ATP12A: variants seen among roughly 807,000 people sequenced by gnomAD.
ATP12A encodes ATPase H+/K+ transporting non-gastric alpha2 subunit, also known as potassium-transporting ATPase alpha chain 2.
Under a neutral mutation model 111.2 loss-of-function variants are expected in ATP12A, and 81 were observed. That is an observed-to-expected ratio of 0.73 (90% CI 0.61 to 0.88). The LOEUF is 0.88. ATP12A is among the 40% of genes least tolerant of loss of function. The pLI is 0.00. For synonymous variants in ATP12A, 498 were observed against 499.8 expected (o/e 1.00, Z 0.05); for missense variants, 1,196 against 1,313.1 (o/e 0.91, Z 1.38).
At position 24,711,714 on chromosome 13, in the gene ATP12A, T is replaced by G. The variant is rs960551541; in HGVS notation, c.*192T>G. On this transcript the variant is annotated 3_prime_UTR_variant, in exon 23 of 23. Coordinates refer to ENST00000381946, the MANE Select transcript of ATP12A (RefSeq NM_001676.7). The stretch of plus-strand genomic sequence containing the variant: ...TTTAAAACTGAAATTCAACTCTTTA[T>G]ATAGGATTTTCTTTTCTATCTCCAT... 7.3e-6 allele frequency: 5 copies of G among 688,782 alleles called. No homozygotes were observed. The South Asian group carries it at 9.7e-5, about 13-fold the overall frequency. The allele number at this position is 688,782 out of a possible 1,614,324, so 42.7% of individuals were successfully genotyped here.
chr13:24,695,587 T>C (rs1296680695), intron 11 of ATP12A, among the ~76,000 whole-genome samples: 1 of 148,208 alleles, frequency 6.7e-6, no homozygotes, highest in Admixed American at 6.8e-5. Context: ...GAATTTAGGG[T>C]TAGGGAAGAA....
Position 24,709,861 on chromosome 13 carries a change from C to G in ATP12A, c.2763+33C>G, listed in dbSNP as rs200249194. On this transcript the variant is annotated intron_variant, in intron 19 of 22. Coordinates refer to ENST00000381946, the MANE Select transcript of ATP12A (RefSeq NM_001676.7). ...GCGGGAGCCCTGCTGCAGAGTCCAC[C>G]TGATTCTCTCCATGCTCATTGCCCT... 3 of 1,611,016 alleles carry G rather than the reference C, an allele frequency of 1.9e-6. No individual in the cohort carries two copies. In the Middle Eastern group the frequency reaches 5.2e-4, roughly 280 times the overall value.
At chr13:24,699,364 G>A (rs1056278132) in intron 12 of ATP12A, among the ~76,000 whole-genome samples, 1 of 151,756 alleles carries the variant, frequency 6.6e-6, no homozygotes, top group Admixed American at 6.6e-5. Flanking sequence ...TCGCAGGGCT[G>A]GGGAAGACTT....
At chr13:24,681,873 CTGTGTGGTGTGTGTGTGTGGTGTA>C (rs1874449864) in intron 2 of ATP12A, among the ~76,000 whole-genome samples, 153 bp downstream of exon 2, 1 of 140,706 alleles carries the variant, frequency 7.1e-6, no homozygotes, top group Non-Finnish European at 1.5e-5. Context: ...CGTGGTGTGT[CTGTGTGGTGTGTGTGTGTGGTGTA>C]TGTGTGGTGT....
intron 3 of ATP12A, among the ~76,000 whole-genome samples, chr13:24,687,104 C>T (rs1347666208): frequency 6.6e-6 from 1 of 151,998 alleles, no homozygotes; most frequent in Non-Finnish European, 1.5e-5. Context: ...TGAATCTAGC[C>T]ATTCAACAGA....
chr13:24,695,266 G>A (rs958995086), intron 11 of ATP12A, among the ~76,000 whole-genome samples: 6 of 152,214 alleles, frequency 3.9e-5, no homozygotes, highest in African/African-American at 9.6e-5. Flanking sequence ...TGACAGCCCC[G>A]TCGTTTTCTG....
Position 24,701,928 on chromosome 13 carries a change from G to C in ATP12A, c.1882-7G>C. On this transcript the variant is annotated splice_polypyrimidine_tract_variant and splice_region_variant and intron_variant, in intron 13 of 22. Coordinates refer to ENST00000381946, the MANE Select transcript of ATP12A (RefSeq NM_001676.7). ...ACCCGTGGGCCTTCTCGTTGTCTTT[G>C]CTCTAGGTTATTATGGTTACTGGTG... is the stretch of plus-strand genomic sequence containing the variant. 1 of 1,614,190 alleles carries C rather than the reference G, an allele frequency of 6.2e-7. No homozygotes were observed. Among genetic ancestry groups the C allele is most frequent in the Non-Finnish European group, 8.5e-7 (1 of 1,180,044 alleles).
chr13:24,691,342 A>G (rs1874896318), intron 8 of ATP12A, 92 bp downstream of exon 8: 2 of 1,441,964 alleles, frequency 1.4e-6, no homozygotes, highest in East Asian at 2.4e-5. Context: ...ATCTCCCCCA[A>G]GTCCAGAGCA....
chr13:24,706,574 A>C, intron 15 of ATP12A, 111 bp downstream of exon 15: 1 of 1,436,848 alleles, frequency 7.0e-7, no homozygotes, highest in Admixed American at 2.5e-5. Context: ...TTCAAGAGAG[A>C]GTTCTTGGCT....
chr13:24,700,952 TC>T (rs1381539710), intron 13 of ATP12A, 30 bp downstream of exon 13: 1 of 1,607,604 alleles, frequency 6.2e-7, no homozygotes, highest in Non-Finnish European at 8.5e-7. Flanking sequence ...CTCAAGAAGT[TC>T]TTTCTTTATG....
rs1207756859 is a variant in ATP12A, at chr13:24,685,436, G to A, written c.228+63G>A. 1.9e-6 allele frequency: 3 copies of A among 1,548,422 alleles called. No homozygotes were observed. The East Asian group carries it at 6.7e-5, about 35-fold the overall frequency. On this transcript the variant is annotated intron_variant, in intron 3 of 22. Transcript: ENST00000381946. The surrounding 1 kb of genome is among the most constrained non-coding windows in gnomAD (Gnocchi z 5.5). ...CCCAACTCTACAGAGGGAAGGCTGT[G>A]TGTGGCGGGGGGCTGTGTGGAAGAG...
rs1874839304 is a variant in ATP12A, at chr13:24,690,484, G to C, written c.681+12G>C. 2 of 1,613,616 alleles carry C rather than the reference G, an allele frequency of 1.2e-6. No homozygotes were observed. Among genetic ancestry groups the C allele is most frequent in the South Asian group, 2.2e-5 (2 of 91,010 alleles). ...CTCAGGGGTGTCGGGTAAGCGGCAAGGGGTATCCACCCCAAGGACCATGTT... is the reference window on the plus strand; with the variant it reads ...CTCAGGGGTGTCGGGTAAGCGGCAACGGGTATCCACCCCAAGGACCATGTT... On this transcript the variant is annotated intron_variant, in intron 6 of 22. Transcript: ENST00000381946.
chr13:24,681,894 T>G (rs1874451549), intron 2 of ATP12A, among the ~76,000 whole-genome samples, 174 bp downstream of exon 2: 1 of 141,432 alleles, frequency 7.1e-6, no homozygotes, highest in East Asian at 2.1e-4. Context: ...GTGTGTGTGG[T>G]GTATGTGTGG....
At chr13:24,706,289 C>T in intron 14 of ATP12A, 24 bp from the exon 15 acceptor site, 1 of 1,611,326 alleles carries the variant, frequency 6.2e-7, no homozygotes, top group Non-Finnish European at 8.5e-7. Flanking sequence ...TTGGGCCTCA[C>T]CCAGTTTCTT....
In ATP12A at chr13:24,690,963, G is replaced by A. The variant is rs114726296; in HGVS notation, c.800-19G>A. The A allele has an allele frequency of 5.2e-4, 834 of 1,612,872 alleles. 5 individuals are homozygous for A. In the African/African-American group the frequency reaches 0.01, roughly 20 times the overall value. ...CCTGGCTGAGGACCCCTGGAATAAA[G>A]CATCTACTTCCCCTGTAGGCACTGT... is the stretch of plus-strand genomic sequence containing the variant. On this transcript the variant is annotated intron_variant, in intron 7 of 22. Transcript: ENST00000381946.
Position 24,692,839 on chromosome 13 carries a change from A to G in ATP12A, c.1320A>G (p.Ile440Met). Residue 440 changes from isoleucine (I) to methionine (M), a missense_variant, in exon 10 of 23, where the codon ATA becomes ATG. Physicochemically the swap from Ile to Met is conservative, Grantham distance 10 (BLOSUM62 1). This residue lies in a region of ATP12A where 1,126 missense variants were observed against 1,228.5 expected (regional missense o/e 0.92). Coordinates refer to ENST00000381946, the MANE Select transcript of ATP12A (RefSeq NM_001676.7). ...SRTWASLSKIITLCNRAEFKP... is the reference protein window; with the variant it reads ...SRTWASLSKIMTLCNRAEFKP... ...CTTGGGCCTCCTTATCCAAGATAAT[A>G]ACATTGTGTAACCGAGCAGAGTTCA... The G allele has an allele frequency of 6.2e-7, 1 of 1,614,220 alleles. No individual in the cohort carries two copies. The highest frequency in any genetic ancestry group is 8.5e-7 in the Non-Finnish European group (1 of 1,180,030).
In ATP12A at chr13:24,711,476, T is replaced by G. The variant is rs992241404; in HGVS notation, c.3092-18T>G. ...AACAGACTCTCCATTTCTGATGTAC[T>G]TTTTTCTACCTCTACAGGCTGGTGG... On this transcript the variant is annotated intron_variant, in intron 22 of 22. Transcript: ENST00000381946. The G allele has an allele frequency of 4.3e-6, 7 of 1,614,206 alleles. No homozygotes were observed. The African/African-American group carries it at 6.7e-5, about 15-fold the overall frequency.
chr13:24,704,742 C>T, intron 14 of ATP12A: 1 of 224,394 alleles, frequency 4.5e-6, no homozygotes, highest in Non-Finnish European at 9.1e-6. Flanking sequence ...ATTGAAATGA[C>T]TTTTATGATT....
intron 2 of ATP12A, among the ~76,000 whole-genome samples, chr13:24,683,113 C>T (rs1874542957): frequency 6.6e-6 from 1 of 151,996 alleles, no homozygotes; most frequent in Non-Finnish European, 1.5e-5. Context: ...CCCGCCATCA[C>T]ACCCAGCTAA....
Sources: gnomAD v4.1 joint callset for allele counts (sites outside exome capture counted in the v4.1 genomes callset) on GRCh38, gnomAD v4.1.1 for gene constraint, gnomAD v4.1.1 regional missense constraint, Gnocchi (gnomAD v3.1) non-coding constraint, MANE v1.5 for transcripts, NCBI Gene and HGNC (gene_info 2026-07-23, HGNC 2026-07-21) for gene names.